The following DNAH1 variants were observed in gnomAD, a reference collection of about 807,000 sequenced individuals.
DNAH1 encodes dynein axonemal heavy chain 1, also known as axonemal beta dynein heavy chain 1.
Under a neutral mutation model 484.3 loss-of-function variants are expected in DNAH1, and 327 were observed. The ratio of observed to expected loss-of-function variants is 0.68; its 90% confidence interval spans 0.62 to 0.74. DNAH1 has a LOEUF of 0.74. DNAH1 is among the 30% of genes least tolerant of loss of function. DNAH1 has a pLI of 0.00. For missense variants in DNAH1, 5,052 were observed against 5,546.8 expected (o/e 0.91, Z 2.83); for synonymous variants, 2,192 against 2,191.9 (o/e 1.00, Z 0.00).
chr3:52,366,540 AAGAGTACTGTAAGC>A lies in DNAH1; in HGVS notation c.5607_5610+10del. 1 of 1,594,164 alleles carries A rather than the reference AAGAGTACTGTAAGC, an allele frequency of 6.3e-7. No individual in the cohort carries two copies. The highest frequency in any genetic ancestry group is 2.3e-5 in the East Asian group (1 of 43,530). On this transcript the variant is annotated splice_donor_variant and splice_donor_5th_base_variant and coding_sequence_variant and intron_variant, in exon 35 of 78. Transcript: ENST00000420323. LOFTEE classifies it high-confidence loss of function. ...GCTCGTCGGGCCCACAGGCTCCGGC[AAGAGTACTGTAAGC>A]AGAGCCAAGCTTGGCAGCCAGTGTC...
Position 52,381,777 on chromosome 3 carries a change from A to G in DNAH1, c.7746A>G (p.Ala2582=). Residue 2582 remains alanine (A), a synonymous_variant, in exon 49 of 78, where the codon GCA becomes GCG. Transcript: ENST00000420323. The surrounding 1 kb of genome is among the most constrained non-coding windows in gnomAD (Gnocchi z 4.1). ...CCCTACGCCAGGCGCTGGGCAATGC[A>G]CTCCTGCTGGGCGTGGGTGGCAGCG... ...SRTLRQALGN[A]LLLGVGGSGR... The G allele has an allele frequency of 6.2e-7, 1 of 1,605,880 alleles. No individual in the cohort carries two copies. The highest frequency in any genetic ancestry group is 8.5e-7 in the Non-Finnish European group (1 of 1,177,058).
At position 52,353,796 on chromosome 3, in the gene DNAH1, T is replaced by TAG; in HGVS notation, c.3480+164_3480+165insGA. The TAG allele has an allele frequency of 6.5e-6, 6 of 916,714 alleles. No homozygotes were observed. Among genetic ancestry groups the TAG allele is most frequent in the African/African-American group, 1.7e-5 (1 of 60,098 alleles). 56.8% of individuals were successfully genotyped at this position (916,714 alleles called of 1,614,324 possible). Reference sequence around the variant, plus strand: ...AGATGCATTCTATTAAGTGAGTTAATAATGCACATAAAATTCTTGACAGTG... The same window carrying TAG: ...AGATGCATTCTATTAAGTGAGTTAATAGAATGCACATAAAATTCTTGACAGTG... On this transcript the variant is annotated intron_variant, in intron 20 of 77. Transcript: ENST00000420323. The surrounding 1 kb of genome is among the most constrained non-coding windows in gnomAD (Gnocchi z 5.0).
In DNAH1 at chr3:52,363,057, C is replaced by T. The variant is rs770135382; in HGVS notation, c.5157C>T (p.Leu1719=). The change falls in exon 32 of 78, where the codon CTC becomes CTT. Residue 1719 remains leucine (L), a synonymous_variant. Coordinates refer to ENST00000420323, the MANE Select transcript of DNAH1 (RefSeq NM_015512.5). ...PDYAMITEIS[L]YSFGFNEASV... ...ACGCCATGATCACTGAGATCTCCCT[C>T]TATTCCTTTGGCTTTAATGAGGCCA... 12 of 1,613,910 alleles carry T rather than the reference C, an allele frequency of 7.4e-6. No homozygotes were observed. In the East Asian group the frequency reaches 2.7e-4, roughly 36 times the overall value.
At chr3:52,312,812 C>T (rs1486946808), upstream of DNAH1, among the ~76,000 whole-genome samples, 1 of 152,084 alleles carries the variant, frequency 6.6e-6, no homozygotes. Context: ...ACCACCACAC[C>T]TGGCTAATTT....
At chr3:52,339,687 C>T (rs945961040) in intron 8 of DNAH1, among the ~76,000 whole-genome samples, 15 of 152,062 alleles carry the variant, frequency 9.9e-5, no homozygotes, top group African/African-American at 3.1e-4. Context: ...TTCACCTATT[C>T]ATTTCAGGAT....
chr3:52,341,530 CTTTTTTTTTTT>C (rs55645528), intron 8 of DNAH1, among the ~76,000 whole-genome samples: 3 of 101,174 alleles, frequency 3.0e-5, no homozygotes, highest in African/African-American at 4.2e-5. Context: ...TTGACTTTGA[CTTTTTTTTTTT>C]TTTTTTTTTT....
intron 36 of DNAH1, 117 bp downstream of exon 36, chr3:52,367,004 G>A (rs978656912): frequency 1.0e-5 from 13 of 1,277,378 alleles, no homozygotes; most frequent in African/African-American, 8.9e-5. Flanking sequence ...GCAGCCCAAC[G>A]CTTGGGATTC....
intron 1 of DNAH1, among the ~76,000 whole-genome samples, chr3:52,321,957 G>A (rs1240114767): frequency 6.6e-6 from 1 of 152,166 alleles, no homozygotes; most frequent in Non-Finnish European, 1.5e-5. Flanking sequence ...GGGAAGTCTA[G>A]CAGGGATGGG....
At position 52,379,213 on chromosome 3, in the gene DNAH1, T is replaced by C. The variant is rs543917685; in HGVS notation, c.7377+433T>C. Among the ~76,000 whole-genome samples the C allele has an allele frequency of 6.6e-6, 1 of 152,182 alleles. No individual in the cohort carries two copies. The highest frequency in any genetic ancestry group is 1.5e-5 in the Non-Finnish European group (1 of 68,002). The stretch of plus-strand genomic sequence containing the variant: ...GGGGCCAACATGGAGCTTAAATTTG[T>C]TCTGAGGGTGTAATGAGCCGTGTGG... On this transcript the variant is annotated intron_variant, in intron 47 of 77. Coordinates refer to ENST00000420323, the MANE Select transcript of DNAH1 (RefSeq NM_015512.5). This position sits in a 1 kb window ranked among gnomAD's most constrained non-coding sequence, Gnocchi z 4.4.
upstream of DNAH1, among the ~76,000 whole-genome samples, chr3:52,313,415 T>A (rs1295693634): frequency 1.3e-5 from 2 of 152,124 alleles, no homozygotes; most frequent in Admixed American, 1.3e-4. Flanking sequence ...CTCATGGCAA[T>A]GGGTCTTTGT....
rs1400167366 is a variant in DNAH1 at position 52,398,946 on chromosome 3, G to A, written c.12186G>A (p.Met4062Ile). The change falls in exon 76 of 78, where the codon ATG (methionine) becomes ATA (isoleucine). Residue 4062 changes from methionine (M) to isoleucine (I), a missense_variant. Transcript: ENST00000420323. ...LVVMSSQLEL[M>I]AASLYNNTVP... ...TGATGTCCTCTCAGCTGGAGCTGATGGCTGCCAGCCTGTACAACAATACTG... is the reference window on the plus strand; with the variant it reads ...TGATGTCCTCTCAGCTGGAGCTGATAGCTGCCAGCCTGTACAACAATACTG... 2.5e-6 allele frequency: 4 copies of A among 1,613,420 alleles called. No individual in the cohort carries two copies. In the African/African-American group the frequency reaches 4.0e-5, roughly 16 times the overall value.
rs141718285 is a variant in DNAH1 at position 52,369,135 on chromosome 3, G to A, written c.5943+217G>A. On this transcript the variant is annotated intron_variant, in intron 37 of 77. Coordinates refer to ENST00000420323, the MANE Select transcript of DNAH1 (RefSeq NM_015512.5). ...GAGCTCCCACACCTCAGGGTGTCCC[G>A]CACAGTTGCTCAGAGCACCCTTTAC... Among the ~76,000 whole-genome samples the A allele has an allele frequency of 7.8e-4, 118 of 152,224 alleles. 2 individuals are homozygous for A. The East Asian group carries it at 0.021, about 27-fold the overall frequency.
At chr3:52,367,947 G>A (rs1380049389) in intron 36 of DNAH1, among the ~76,000 whole-genome samples, 1 of 152,218 alleles carries the variant, frequency 6.6e-6, no homozygotes, top group Non-Finnish European at 1.5e-5. Flanking sequence ...CCACTGCACT[G>A]GGGCCTTATA....
chr3:52,311,281 A>C, the DNAH1 span, among the ~76,000 whole-genome samples: 9 of 152,224 alleles, frequency 5.9e-5, no homozygotes, highest in Non-Finnish European at 1.0e-4. Context: ...CCACTGGCTC[A>C]CTGTGGGTGT....
chr3:52,389,457 C>A lies in DNAH1; in HGVS notation c.9496-4C>A. 1 of 1,611,470 alleles carries A rather than the reference C, an allele frequency of 6.2e-7. No homozygotes were observed. Among genetic ancestry groups the A allele is most frequent in the Non-Finnish European group, 8.5e-7 (1 of 1,178,972 alleles). On this transcript the variant is annotated splice_polypyrimidine_tract_variant and splice_region_variant and intron_variant, in intron 59 of 77. Coordinates refer to ENST00000420323, the MANE Select transcript of DNAH1 (RefSeq NM_015512.5). The stretch of plus-strand genomic sequence containing the variant: ...GGGTGGTCCTGAGTCTGGCATCTCC[C>A]CAGGGCCAGTACCGCACGGTGCTCT...
In DNAH1 at chr3:52,361,583, G is replaced by T; in HGVS notation, c.4875-78G>T. 1 of 1,454,432 alleles carries T rather than the reference G, an allele frequency of 6.9e-7. No individual in the cohort carries two copies. The highest frequency in any genetic ancestry group is 1.3e-5 in the South Asian group (1 of 79,220). 90.1% of individuals were successfully genotyped at this position (1,454,432 alleles called of 1,614,324 possible). A position where few individuals can be genotyped will look rare whatever the true frequency, so the allele number is the denominator to read the frequency against. ...TGAGGGCTTCCTCCCAAGTGGAGTT[G>T]GAGGGGGCCCTCAGAGGGAGGTGCC... On this transcript the variant is annotated intron_variant, in intron 29 of 77. Coordinates refer to ENST00000420323, the MANE Select transcript of DNAH1 (RefSeq NM_015512.5). This position sits in a 1 kb window ranked among gnomAD's most constrained non-coding sequence, Gnocchi z 5.6.
At chr3:52,310,946 T>G in the DNAH1 span, among the ~76,000 whole-genome samples, 123 of 152,234 alleles carry the variant, frequency 8.1e-4, no homozygotes, top group Middle Eastern at 6.8e-3. Flanking sequence ...GTGGGTGGTG[T>G]TTGTGGGATT....
chr3:52,392,776 C>T, intron 64 of DNAH1, 54 bp from the exon 65 acceptor site: 1 of 1,559,236 alleles, frequency 6.4e-7, no homozygotes, highest in Non-Finnish European at 8.8e-7. Context: ...GCCTGCCCCC[C>T]AAACCCCCTA....
At chr3:52,396,297 A>G in intron 70 of DNAH1, 71 bp from the exon 71 acceptor site, 1 of 1,491,202 alleles carries the variant, frequency 6.7e-7, no homozygotes, top group Non-Finnish European at 9.0e-7. Flanking sequence ...GTCCCTGGGC[A>G]GGAGGGAGCC....
Sources: gnomAD v4.1 joint callset for allele counts (sites outside exome capture counted in the v4.1 genomes callset) on GRCh38, gnomAD v4.1.1 for gene constraint, Gnocchi (gnomAD v3.1) non-coding constraint, MANE v1.5 for transcripts, NCBI Gene and HGNC (gene_info 2026-07-23, HGNC 2026-07-21) for gene names.